Variants in ADAMTSL1 observed in about 807,000 individuals in gnomAD.
ADAMTSL1 encodes the protein ADAMTS like 1, also known as ADAMTS-like protein 1.
Under a neutral mutation model 201.8 loss-of-function variants are expected in ADAMTSL1, and 126 were observed. The ratio of observed to expected loss-of-function variants is 0.62; its 90% confidence interval spans 0.54 to 0.72. ADAMTSL1 has a LOEUF of 0.72. Ranked by LOEUF, ADAMTSL1 falls within the 30% of genes least tolerant of loss-of-function variation. ADAMTSL1 has a pLI of 0.00. For missense variants in ADAMTSL1, 2,679 were observed against 2,277.8 expected (o/e 1.18, Z -3.59); for synonymous variants, 1,121 against 903.4 (o/e 1.24, Z -4.32).
intron 2 of ADAMTSL1, among the ~76,000 whole-genome samples, chr9:18,418,811 A>C (rs1396671888): frequency 6.6e-6 from 1 of 152,202 alleles, no homozygotes; most frequent in African/African-American, 2.4e-5. Flanking sequence ...TCACAATCCT[A>C]TGAGGATATT....
At chr9:18,748,640 A>T (rs1819278882) in intron 15 of ADAMTSL1, among the ~76,000 whole-genome samples, 1 of 152,128 alleles carries the variant, frequency 6.6e-6, no homozygotes, top group Non-Finnish European at 1.5e-5. Flanking sequence ...CATAACTAAG[A>T]TGTCCACCAG....
At chr9:18,159,686 T>G (rs2132077378) in intron 1 of ADAMTSL1, among the ~76,000 whole-genome samples, 1 of 152,148 alleles carries the variant, frequency 6.6e-6, no homozygotes, top group Non-Finnish European at 1.5e-5. Flanking sequence ...GGGGAAATTT[T>G]TATCTTTTAC....
intron 1 of ADAMTSL1, among the ~76,000 whole-genome samples, chr9:18,044,888 T>C (rs954362097): frequency 2.6e-5 from 4 of 152,176 alleles, no homozygotes; most frequent in Non-Finnish European, 5.9e-5. Flanking sequence ...TACTATGCAA[T>C]ATTAGAGAGT....
intron 2 of ADAMTSL1, among the ~76,000 whole-genome samples, chr9:18,201,132 G>A (rs139407907): frequency 1.3e-5 from 2 of 152,158 alleles, no homozygotes; most frequent in Non-Finnish European, 2.9e-5. Context: ...TTTACTGAAA[G>A]CATAGACAGT....
chr9:18,782,774 A>G (rs1255154395), intron 19 of ADAMTSL1, among the ~76,000 whole-genome samples: 1 of 152,246 alleles, frequency 6.6e-6, no homozygotes. Flanking sequence ...ACCAGTGCCC[A>G]GCACTGTGAT....
intron 1 of ADAMTSL1, among the ~76,000 whole-genome samples, chr9:17,976,741 C>T (rs1428101945): frequency 6.7e-6 from 1 of 148,562 alleles, no homozygotes; most frequent in East Asian, 2.0e-4. Context: ...CTGCCCCCTG[C>T]CTCCCCGATC....
At chr9:18,567,616 G>A (rs951237667) in intron 3 of ADAMTSL1, among the ~76,000 whole-genome samples, 3 of 152,138 alleles carry the variant, frequency 2.0e-5, no homozygotes, top group African/African-American at 7.2e-5. Flanking sequence ...CAGATGGCAA[G>A]TGAGCAGTTG....
chr9:18,653,267 A>T (rs1215570764), intron 7 of ADAMTSL1, among the ~76,000 whole-genome samples: 3 of 152,174 alleles, frequency 2.0e-5, no homozygotes, highest in Non-Finnish European at 4.4e-5. Context: ...TATTAAGTTC[A>T]GCTCTGGTCA....
intron 1 of ADAMTSL1, among the ~76,000 whole-genome samples, chr9:18,156,226 G>A (rs545395652): frequency 4.5e-4 from 69 of 152,048 alleles, no homozygotes; most frequent in African/African-American, 1.6e-3. Flanking sequence ...AACATCTAGG[G>A]CCATCTTTTG....
chr9:18,427,998 G>A (rs745858616), intron 2 of ADAMTSL1, among the ~76,000 whole-genome samples: 18 of 152,306 alleles, frequency 1.2e-4, no homozygotes, highest in Middle Eastern at 3.4e-3. Flanking sequence ...TGCCGGAGCT[G>A]TCAGGCAGTT....
intron 21 of ADAMTSL1, among the ~76,000 whole-genome samples, chr9:18,819,437 T>C (rs1039211836): frequency 3.7e-5 from 5 of 136,322 alleles, no homozygotes; most frequent in Admixed American, 1.5e-4. Context: ...GCCTGGGCAA[T>C]AGAGCAAGAC....
intron 20 of ADAMTSL1, among the ~76,000 whole-genome samples, chr9:18,797,506 G>A (rs548269350): frequency 3.7e-4 from 56 of 152,240 alleles, no homozygotes; most frequent in African/African-American, 1.3e-3. Context: ...ATGGATACCC[G>A]GCTACCTAGA....
At chr9:18,667,546 C>T (rs994475464) in intron 9 of ADAMTSL1, among the ~76,000 whole-genome samples, 3 of 152,094 alleles carry the variant, frequency 2.0e-5, no homozygotes, top group South Asian at 4.2e-4. Flanking sequence ...TTTCATCCTA[C>T]GAAGTGAGGA....
At chr9:18,761,727 G>A (rs1416242712) in intron 16 of ADAMTSL1, among the ~76,000 whole-genome samples, 2 of 152,200 alleles carry the variant, frequency 1.3e-5, no homozygotes, top group East Asian at 1.9e-4. Flanking sequence ...ACAGACTTTG[G>A]AGCCTTGACT....
rs569023591 is a variant in ADAMTSL1, at chr9:18,111,705, T to C, written c.88-52157T>C. ...ACAGTTTTGTACATTCAGGTGCTCA[T>C]GTAGTTAAATAATACAGATACTTTC... On this transcript the variant is annotated intron_variant, in intron 1 of 29. Transcript: ENST00000680146. Among the ~76,000 whole-genome samples, 4 of 152,300 alleles carry C rather than the reference T, an allele frequency of 2.6e-5. No homozygotes were observed. In the South Asian group the frequency reaches 8.3e-4, roughly 32 times the overall value.
intron 2 of ADAMTSL1, among the ~76,000 whole-genome samples, chr9:18,435,986 A>G (rs1176930030): frequency 1.3e-5 from 2 of 152,184 alleles, no homozygotes; most frequent in Admixed American, 6.5e-5. Flanking sequence ...TGCAGTTAGA[A>G]AATATTTGAC....
intron 17 of ADAMTSL1, among the ~76,000 whole-genome samples, chr9:18,772,384 C>G (rs543624019): frequency 6.6e-6 from 1 of 152,050 alleles, no homozygotes; most frequent in Non-Finnish European, 1.5e-5. Context: ...TTCTTTTGTG[C>G]CTGCAGATTT....
chr9:18,865,804 C>T (rs1467429288), intron 23 of ADAMTSL1, among the ~76,000 whole-genome samples: 1 of 152,136 alleles, frequency 6.6e-6, no homozygotes, highest in African/African-American at 2.4e-5. Flanking sequence ...CCAAGTGCTG[C>T]GTCCTCCTCA....
rs371302350 is a variant in ADAMTSL1 at position 18,889,591 on chromosome 9, C to T, written c.4486C>T (p.Leu1496=). Residue 1496 remains leucine (L), a synonymous_variant, in exon 25 of 29, where the codon CTG becomes TTG. Transcript: ENST00000380548. ...IQDYWWSVDR[L]ATCSASCGNR... ...AGATTACTGGTGGTCTGTGGACAGA[C>T]TGGCAACCTGCTCAGCCTCCTGTGG... The T allele has an allele frequency of 3.1e-6, 5 of 1,613,912 alleles. No individual in the cohort carries two copies. Among genetic ancestry groups the T allele is most frequent in the Non-Finnish European group, 3.4e-6 (4 of 1,179,852 alleles).
Sources: gnomAD v4.1 joint callset for allele counts (sites outside exome capture counted in the v4.1 genomes callset) on GRCh38, gnomAD v4.1.1 for gene constraint, MANE v1.5 for transcripts, NCBI Gene and HGNC (gene_info 2026-07-23, HGNC 2026-07-21) for gene names.